The following SLIT3 variants were observed in gnomAD, a reference collection of about 807,000 sequenced individuals.
The protein encoded by SLIT3 is slit homolog 3 protein.
A neutral mutation model predicts 184.0 loss-of-function variants in SLIT3; 68 were observed. That is an observed-to-expected ratio of 0.37 (90% CI 0.30 to 0.45). The LOEUF is 0.45. Among genes scored for constraint, SLIT3 ranks in the 20% least tolerant of loss-of-function variants. The pLI, the probability that SLIT3 is intolerant of heterozygous loss-of-function variation, is 1.00. For synonymous variants in SLIT3, 831 were observed against 828.6 expected (o/e 1.00, Z -0.05); for missense variants, 1,707 against 2,026.0 (o/e 0.84, Z 3.02).
intron 6 of SLIT3, among the ~76,000 whole-genome samples, chr5:168,823,938 C>T (rs561942014): frequency 6.6e-6 from 1 of 152,192 alleles, no homozygotes; most frequent in Admixed American, 6.5e-5. Context: ...TCTTCTGACT[C>T]TTTCAGCACA....
chr5:169,188,816 T>C (rs1229008281), intron 4 of SLIT3, among the ~76,000 whole-genome samples: 1 of 152,222 alleles, frequency 6.6e-6, no homozygotes, highest in Non-Finnish European at 1.5e-5. Context: ...TCTATGTTAC[T>C]GATAAGAACC....
intron 4 of SLIT3, among the ~76,000 whole-genome samples, chr5:169,093,711 A>G (rs760950844): frequency 6.6e-6 from 1 of 152,220 alleles, no homozygotes; most frequent in Non-Finnish European, 1.5e-5. Flanking sequence ...TGTGCCAGAT[A>G]TAAGTCAGGC....
intron 3 of SLIT3, among the ~76,000 whole-genome samples, chr5:169,234,237 A>G (rs1275603969): frequency 6.6e-6 from 1 of 152,230 alleles, no homozygotes; most frequent in African/African-American, 2.4e-5. Context: ...TTTAGCCAAC[A>G]TAGGGAAAGA....
chr5:168,887,944 T>C (rs1284770437), intron 4 of SLIT3, among the ~76,000 whole-genome samples: 1 of 152,152 alleles, frequency 6.6e-6, no homozygotes, highest in East Asian at 1.9e-4. Context: ...CCATAAAATC[T>C]GAGGGAGGGA....
At chr5:168,867,331 A>C (rs1438444167) in intron 5 of SLIT3, among the ~76,000 whole-genome samples, 1 of 152,250 alleles carries the variant, frequency 6.6e-6, no homozygotes, top group Non-Finnish European at 1.5e-5. Flanking sequence ...TTTGTTCTCA[A>C]AGAACAGGCA....
At chr5:169,112,157 T>C (rs1760435031) in intron 4 of SLIT3, among the ~76,000 whole-genome samples, 1 of 152,230 alleles carries the variant, frequency 6.6e-6, no homozygotes, top group South Asian at 2.1e-4. Context: ...TGCCCCAGCC[T>C]GAAGGCTCAA....
intron 4 of SLIT3, among the ~76,000 whole-genome samples, chr5:169,038,598 A>G (rs1757339546): frequency 6.6e-6 from 1 of 152,198 alleles, no homozygotes; most frequent in African/African-American, 2.4e-5. Context: ...CCTGTGCTCC[A>G]TGCTGTAATT....
chr5:168,801,541 A>G (rs1756766645), intron 9 of SLIT3, among the ~76,000 whole-genome samples: 1 of 152,188 alleles, frequency 6.6e-6, no homozygotes, highest in Non-Finnish European at 1.5e-5. Flanking sequence ...AGCAGAAGAT[A>G]CGAGACACGG....
At chr5:169,256,267 T>C (rs945078749) in intron 1 of SLIT3, among the ~76,000 whole-genome samples, 3 of 152,144 alleles carry the variant, frequency 2.0e-5, no homozygotes, top group Admixed American at 6.5e-5. Flanking sequence ...CTGGGCAACA[T>C]AGCAAGACCC....
At chr5:169,123,089 T>C (rs1422519341) in intron 4 of SLIT3, among the ~76,000 whole-genome samples, 1 of 151,916 alleles carries the variant, frequency 6.6e-6, no homozygotes, top group African/African-American at 2.4e-5. Context: ...GAAAAAACCA[T>C]GCATGGATTA....
chr5:168,766,078 T>C (rs923426652), intron 14 of SLIT3, among the ~76,000 whole-genome samples: 1 of 152,188 alleles, frequency 6.6e-6, no homozygotes, highest in East Asian at 1.9e-4. Flanking sequence ...TGAATGGACT[T>C]GGCTGGGTTG....
chr5:169,205,766 T>G (rs1302875579), intron 3 of SLIT3, among the ~76,000 whole-genome samples: 1 of 152,264 alleles, frequency 6.6e-6, no homozygotes, highest in East Asian at 1.9e-4. Flanking sequence ...TCACTTCAGC[T>G]GTTAAAACTA....
At chr5:169,199,390 G>A (rs895753520) in intron 3 of SLIT3, among the ~76,000 whole-genome samples, 1 of 152,170 alleles carries the variant, frequency 6.6e-6, no homozygotes, top group Non-Finnish European at 1.5e-5. Context: ...TCCAGGTGGG[G>A]TAACTGATCA....
At chr5:168,676,728 T>G (rs1582517693) in intron 32 of SLIT3, among the ~76,000 whole-genome samples, 1 of 147,554 alleles carries the variant, frequency 6.8e-6, no homozygotes, top group South Asian at 2.1e-4. Context: ...TGTGTCAACA[T>G]GCTGGACAGC....
At chr5:169,132,219 A>G (rs1761327216) in intron 4 of SLIT3, among the ~76,000 whole-genome samples, 2 of 152,200 alleles carry the variant, frequency 1.3e-5, no homozygotes, top group Non-Finnish European at 2.9e-5. Flanking sequence ...ATAGAGAGGT[A>G]TGACAGAGGG....
chr5:168,888,004 T>G (rs192524964), intron 4 of SLIT3, among the ~76,000 whole-genome samples: 5 of 152,310 alleles, frequency 3.3e-5, no homozygotes, highest in Non-Finnish European at 7.3e-5. Context: ...CCATGTTTGA[T>G]TCTAGATTCT....
chr5:168,964,586 T>A (rs1182290864), intron 4 of SLIT3, among the ~76,000 whole-genome samples: 2 of 152,318 alleles, frequency 1.3e-5, no homozygotes, highest in Non-Finnish European at 2.9e-5. Context: ...TGCGTATAAA[T>A]AAAGCACAAA....
intron 4 of SLIT3, among the ~76,000 whole-genome samples, chr5:169,071,226 G>A (rs544115601): frequency 1.3e-5 from 2 of 152,330 alleles, no homozygotes; most frequent in South Asian, 4.1e-4. Context: ...CCCCCAGAAA[G>A]TGCCATGTTG....
At chr5:169,280,794 T>C (rs984563424) in intron 1 of SLIT3, among the ~76,000 whole-genome samples, 1 of 152,198 alleles carries the variant, frequency 6.6e-6, no homozygotes, top group Non-Finnish European at 1.5e-5. Context: ...GCTTTGCTGA[T>C]GACTTGCTGT....
Sources: gnomAD v4.1 joint callset for allele counts (sites outside exome capture counted in the v4.1 genomes callset) on GRCh38, gnomAD v4.1.1 for gene constraint, MANE v1.5 for transcripts, NCBI Gene and HGNC (gene_info 2026-07-23, HGNC 2026-07-21) for gene names.